SCMH1: variants seen among roughly 807,000 people sequenced by gnomAD.
SCMH1 encodes the protein Scm polycomb group protein homolog 1.
SCMH1 carries 37 observed loss-of-function variants against 70.8 expected under a neutral mutation model. The observed-to-expected ratio is 0.52, with a 90% CI of 0.40 to 0.69. SCMH1 has a LOEUF of 0.69. Ranked by LOEUF, SCMH1 falls within the 30% of genes least tolerant of loss-of-function variation. The pLI is 0.00. For missense variants in SCMH1, 607 were observed against 827.3 expected (o/e 0.73, Z 3.27); for synonymous variants, 292 against 307.4 (o/e 0.95, Z 0.52).
intron 1 of SCMH1, among the ~76,000 whole-genome samples, chr1:41,189,889 G>A (rs1651253551): frequency 1.3e-5 from 2 of 152,304 alleles, no homozygotes; most frequent in Middle Eastern, 3.4e-3. Context: ...GCAGAGGTGT[G>A]AGGCAGAGCG....
intron 9 of SCMH1, 148 bp from the exon 10 acceptor site, chr1:41,070,869 G>T: frequency 1.0e-6 from 1 of 953,530 alleles, no homozygotes; most frequent in Non-Finnish European, 1.5e-6. Flanking sequence ...CTGGCTTAAA[G>T]CTATACATAT....
intron 10 of SCMH1, among the ~76,000 whole-genome samples, chr1:41,053,334 A>C (rs970542841): frequency 1.3e-5 from 2 of 152,186 alleles, no homozygotes; most frequent in African/African-American, 4.8e-5. Context: ...AGAACTATAA[A>C]GCCTTTAGAC....
At chr1:41,134,859 T>C (rs1381374683) in intron 6 of SCMH1, among the ~76,000 whole-genome samples, 2 of 152,212 alleles carry the variant, frequency 1.3e-5, no homozygotes, top group Non-Finnish European at 2.9e-5. Flanking sequence ...ATAAACATAC[T>C]TTTTTCCAAG....
chr1:41,121,952 T>C (rs1466777878), intron 6 of SCMH1, among the ~76,000 whole-genome samples: 1 of 152,148 alleles, frequency 6.6e-6, no homozygotes, highest in East Asian at 1.9e-4. Flanking sequence ...GCTTTCCCAC[T>C]TAATATATGC....
chr1:41,053,439 C>G (rs768484106), intron 10 of SCMH1, among the ~76,000 whole-genome samples: 1 of 152,106 alleles, frequency 6.6e-6, no homozygotes, highest in Non-Finnish European at 1.5e-5. Context: ...CTTTGAGACC[C>G]CAACTACCAT....
chr1:41,029,151 C>T (rs1329546550), intron 13 of SCMH1, among the ~76,000 whole-genome samples: 1 of 152,112 alleles, frequency 6.6e-6, no homozygotes, highest in Non-Finnish European at 1.5e-5. Context: ...ACCCTGGATT[C>T]TTTTCCAAGG....
intron 1 of SCMH1, among the ~76,000 whole-genome samples, chr1:41,209,332 TA>T (rs966041801): frequency 7.9e-5 from 12 of 151,914 alleles, no homozygotes; most frequent in African/African-American, 2.9e-4. Flanking sequence ...TTCCAAGCAA[TA>T]AAAAAAGAGG....
chr1:41,034,368 C>T (rs1187660131), intron 13 of SCMH1, among the ~76,000 whole-genome samples: 1 of 151,800 alleles, frequency 6.6e-6, no homozygotes, highest in African/African-American at 2.4e-5. Flanking sequence ...CACTCTGTCC[C>T]CCAGGCTGGA....
chr1:41,239,451 T>G (rs1253767270), intron 1 of SCMH1, among the ~76,000 whole-genome samples: 2 of 152,208 alleles, frequency 1.3e-5, no homozygotes, highest in African/African-American at 2.4e-5. Flanking sequence ...TGGGCAACCT[T>G]TACTCTCACC....
intron 8 of SCMH1, among the ~76,000 whole-genome samples, chr1:41,087,964 G>GTGTA (rs1323139587): frequency 6.6e-6 from 1 of 151,066 alleles, no homozygotes; most frequent in Admixed American, 6.6e-5. Flanking sequence ...GTGTGTGTGT[G>GTGTA]TATTTATTTA....
At chr1:41,209,672 C>T (rs182886531) in intron 1 of SCMH1, among the ~76,000 whole-genome samples, 9 of 152,368 alleles carry the variant, frequency 5.9e-5, no homozygotes, top group Admixed American at 3.3e-4. Flanking sequence ...AACAGCACTT[C>T]GTGCTAAAAA....
intron 10 of SCMH1, among the ~76,000 whole-genome samples, chr1:41,054,087 G>T (rs534713194): frequency 1.3e-5 from 2 of 152,006 alleles, no homozygotes; most frequent in African/African-American, 4.8e-5. Context: ...CTCATGATCC[G>T]CCTGCCTCGG....
intron 5 of SCMH1, among the ~76,000 whole-genome samples, chr1:41,149,018 C>A (rs1052739993): frequency 6.6e-6 from 1 of 152,116 alleles, no homozygotes; most frequent in African/African-American, 2.4e-5. Flanking sequence ...GTCTTAATCT[C>A]CTGACTTCAC....
intron 1 of SCMH1, among the ~76,000 whole-genome samples, chr1:41,206,707 C>A (rs1004889459): frequency 6.6e-6 from 1 of 152,120 alleles, no homozygotes; most frequent in African/African-American, 2.4e-5. Flanking sequence ...CAAAGATACT[C>A]CTTGAGAAGA....
intron 1 of SCMH1, among the ~76,000 whole-genome samples, chr1:41,220,559 A>C (rs939303273): frequency 6.6e-6 from 1 of 152,170 alleles, no homozygotes; most frequent in African/African-American, 2.4e-5. Context: ...TATCTCAAAA[A>C]CCAACTCACC....
At chr1:41,056,178 A>T (rs1480973514) in intron 10 of SCMH1, among the ~76,000 whole-genome samples, 2 of 152,172 alleles carry the variant, frequency 1.3e-5, no homozygotes, top group Non-Finnish European at 2.9e-5. Context: ...CTATCTCTTG[A>T]GAAACTTGCT....
At chr1:41,100,567 C>CTT (rs72221588) in intron 8 of SCMH1, among the ~76,000 whole-genome samples, 28 of 122,470 alleles carry the variant, frequency 2.3e-4, no homozygotes, top group East Asian at 1.2e-3. Flanking sequence ...TTTTCTTTTT[C>CTT]TTTTTTTTTT....
intron 1 of SCMH1, among the ~76,000 whole-genome samples, chr1:41,199,323 T>A (rs1573002161): frequency 6.6e-6 from 1 of 152,134 alleles, no homozygotes; most frequent in Non-Finnish European, 1.5e-5. Context: ...CACCTAAGAG[T>A]AGCCATTGTC....
At chr1:41,131,836 G>T (rs1674810209) in intron 6 of SCMH1, among the ~76,000 whole-genome samples, 1 of 152,182 alleles carries the variant, frequency 6.6e-6, no homozygotes, top group South Asian at 2.1e-4. Flanking sequence ...TGCTGAGAAT[G>T]ATGGTTTCCA....
Sources: allele counts gnomAD v4.1 joint callset (sites outside exome capture counted in the v4.1 genomes callset), GRCh38; gene constraint gnomAD v4.1.1; transcripts MANE v1.5; gene names NCBI Gene and HGNC (gene_info 2026-07-23, HGNC 2026-07-21).